Variants in RAB3GAP1 observed in about 807,000 individuals in gnomAD.
The protein encoded by RAB3GAP1 is rab3 GTPase-activating protein catalytic subunit.
Under a neutral mutation model 130.7 loss-of-function variants are expected in RAB3GAP1, and 86 were observed. That is an observed-to-expected ratio of 0.66 (90% CI 0.55 to 0.79). The LOEUF is 0.79. RAB3GAP1 is among the 30% of genes least tolerant of loss of function. The pLI is 0.00. For synonymous variants in RAB3GAP1, 367 were observed against 401.7 expected, an observed-to-expected ratio of 0.91 and a Z score of 1.03; for missense variants, 1,029 against 1,169.4, an observed-to-expected ratio of 0.88 and a Z score of 1.75.
intron 17 of RAB3GAP1, among the ~76,000 whole-genome samples, chr2:135,137,914 C>A (rs531102439): frequency 7.2e-5 from 11 of 151,766 alleles, no homozygotes; most frequent in Admixed American, 2.0e-4. Flanking sequence ...CAGCCTTGAC[C>A]TCCTGGGATC....
At position 135,052,303 on chromosome 2, in the gene RAB3GAP1, T is replaced by C; in HGVS notation, c.-5T>C. On this transcript the variant is annotated 5_prime_UTR_variant, in exon 1 of 24. Coordinates refer to ENST00000264158, the MANE Select transcript of RAB3GAP1 (RefSeq NM_012233.3). ...GCCTTAGCGCCAGGCCCGGCGCTCC[T>C]CAAGATGGCTGCCGACAGTGAGGTG... The C allele has an allele frequency of 6.2e-7, 1 of 1,613,566 alleles. No individual in the cohort carries two copies. Among genetic ancestry groups the C allele is most frequent in the Non-Finnish European group, 8.5e-7 (1 of 1,180,032 alleles).
chr2:135,125,338 C>T (rs1250474587), intron 9 of RAB3GAP1, among the ~76,000 whole-genome samples: 7 of 152,016 alleles, frequency 4.6e-5, no homozygotes, highest in African/African-American at 1.7e-4. Context: ...TGCAAGATCC[C>T]CAGTGGATGA....
Position 135,162,594 on chromosome 2 carries a change from G to T in RAB3GAP1, c.2329G>T (p.Ala777Ser). Residue 777 changes from alanine (A) to serine (S), a missense_variant, in exon 20 of 24, where the codon GCT becomes TCT. Around this residue, in one of 3 missense-constraint regions of RAB3GAP1, gnomAD observed 373 missense variants for 493.6 expected, o/e 0.76. Transcript: ENST00000264158. ...YLAIQKPADL[A>S]RHLLPCVIHA... is the part of the protein sequence containing the mutation. The stretch of plus-strand genomic sequence containing the variant: ...GGCAATCCAGAAACCTGCAGACCTT[G>T]CTCGGCACCTGTTACCTTGTGTGAT... 6.2e-7 allele frequency: 1 copy of T among 1,614,076 alleles called. No homozygotes were observed. The highest frequency in any genetic ancestry group is 8.5e-7 in the Non-Finnish European group (1 of 1,179,982).
intron 5 of RAB3GAP1, among the ~76,000 whole-genome samples, chr2:135,105,626 G>A (rs930443812): frequency 6.6e-6 from 1 of 152,206 alleles, no homozygotes; most frequent in African/African-American, 2.4e-5. Context: ...CCAAAGTGCT[G>A]AGATAGCAGC....
chr2:135,072,284 T>G (rs973128135), intron 3 of RAB3GAP1, among the ~76,000 whole-genome samples: 1 of 152,218 alleles, frequency 6.6e-6, no homozygotes, highest in Non-Finnish European at 1.5e-5. Context: ...AGCATTCAAC[T>G]GAATCCAGGG....
intron 17 of RAB3GAP1, among the ~76,000 whole-genome samples, chr2:135,139,146 A>G (rs1396692733): frequency 6.6e-6 from 1 of 152,092 alleles, no homozygotes; most frequent in East Asian, 1.9e-4. Context: ...TTAGATGTGA[A>G]TCTACAGTTA....
rs794727324 is a variant in RAB3GAP1, at chr2:135,162,605, GTTACC to G, written c.2343_2347del (p.Pro782CysfsTer22). 6.2e-6 allele frequency: 10 copies of G among 1,613,998 alleles called. No homozygotes were observed. The African/African-American group carries it at 1.3e-4, about 22-fold the overall frequency. ...AACCTGCAGACCTTGCTCGGCACCT[GTTACC>G]TTGTGTGATTCATGCAGCTGTACTC... On this transcript the variant is annotated frameshift_variant, in exon 20 of 24. Transcript: ENST00000264158. LOFTEE classifies it high-confidence loss of function.
At chr2:135,113,055 A>C in intron 5 of RAB3GAP1, 96 bp from the exon 6 acceptor site, 1 of 1,553,222 alleles carries the variant, frequency 6.4e-7, no homozygotes, top group Non-Finnish European at 8.9e-7. Flanking sequence ...CTGACTTGTT[A>C]AATTTTCTGT....
intron 11 of RAB3GAP1, among the ~76,000 whole-genome samples, chr2:135,127,203 TC>T (rs1404271304): frequency 6.6e-6 from 1 of 151,252 alleles, no homozygotes; most frequent in African/African-American, 2.4e-5. Flanking sequence ...TTTTTTTTTT[TC>T]CGGATGCTTT....
intron 6 of RAB3GAP1, among the ~76,000 whole-genome samples, chr2:135,113,895 C>T (rs1336771405): frequency 1.3e-5 from 2 of 152,182 alleles, no homozygotes; most frequent in East Asian, 3.9e-4. Flanking sequence ...GTTCACCACC[C>T]TTGGCTAATT....
At chr2:135,125,210 T>G (rs187438682) in intron 9 of RAB3GAP1, among the ~76,000 whole-genome samples, 1 of 152,340 alleles carries the variant, frequency 6.6e-6, no homozygotes, top group Non-Finnish European at 1.5e-5. Flanking sequence ...ATAAATGGAA[T>G]CATATAACAT....
At chr2:135,076,278 A>T (rs568556656) in intron 3 of RAB3GAP1, among the ~76,000 whole-genome samples, 1 of 152,328 alleles carries the variant, frequency 6.6e-6, no homozygotes, top group Admixed American at 6.5e-5. Flanking sequence ...TGATAAATAC[A>T]GCCATGTTTT....
chr2:135,152,581 T>A (rs1197618474), intron 18 of RAB3GAP1, among the ~76,000 whole-genome samples: 1 of 152,172 alleles, frequency 6.6e-6, no homozygotes, highest in Non-Finnish European at 1.5e-5. Flanking sequence ...CATGAAATAA[T>A]CTTGACCCAC....
At chr2:135,132,816 A>C in intron 13 of RAB3GAP1, 79 bp from the exon 14 acceptor site, 1 of 844,214 alleles carries the variant, frequency 1.2e-6, no homozygotes, top group Middle Eastern at 2.7e-4. Context: ...AAAGTTAAAT[A>C]ATGTCTATAT....
At chr2:135,148,617 C>T (rs1255072361) in intron 17 of RAB3GAP1, among the ~76,000 whole-genome samples, 4 of 150,254 alleles carry the variant, frequency 2.7e-5, no homozygotes, top group Non-Finnish European at 4.4e-5. Flanking sequence ...GCCTCAGCCT[C>T]CTGAGTAGCT....
intron 10 of RAB3GAP1, 83 bp downstream of exon 10, chr2:135,126,332 C>T (rs2104936331): frequency 8.9e-7 from 1 of 1,123,810 alleles, no homozygotes; most frequent in East Asian, 2.4e-5. Context: ...TTTTTATATG[C>T]ATTTTTTATT....
chr2:135,174,803 G>A (rs1311128422), downstream of RAB3GAP1, among the ~76,000 whole-genome samples: 4 of 152,162 alleles, frequency 2.6e-5, no homozygotes, highest in Non-Finnish European at 5.9e-5. Flanking sequence ...AACTATTCTG[G>A]GACTGAAGTC....
chr2:135,093,680 T>G lies in RAB3GAP1; in HGVS notation c.349T>G (p.Cys117Gly). The change falls in exon 5 of 24, where the codon TGC (cysteine) becomes GGC (glycine). Residue 117 changes from cysteine to glycine, a missense_variant. This residue lies in a region of RAB3GAP1 where 510 missense variants were observed against 532.1 expected (regional missense o/e 0.96). Coordinates refer to ENST00000264158, the MANE Select transcript of RAB3GAP1 (RefSeq NM_012233.3). Reference sequence around the variant, plus strand: ...TAATGACTTTCCTCCAAGAGCACATTGCCTGGTAAGATGGTAGGTATATCT... The same window carrying G: ...TAATGACTTTCCTCCAAGAGCACATGGCCTGGTAAGATGGTAGGTATATCT... The part of the protein sequence containing the change: ...MNNDFPPRAH[C>G]LVRWYGLREF... The G allele has an allele frequency of 6.2e-7, 1 of 1,611,758 alleles. No individual in the cohort carries two copies. The highest frequency in any genetic ancestry group is 8.5e-7 in the Non-Finnish European group (1 of 1,177,816).
chr2:135,127,176 A>C (rs1186270993), intron 11 of RAB3GAP1, among the ~76,000 whole-genome samples: 1 of 149,124 alleles, frequency 6.7e-6, no homozygotes, highest in Admixed American at 6.7e-5. Flanking sequence ...CGCGGCCTTA[A>C]GATGCTTTTT....
Sources: allele counts gnomAD v4.1 joint callset (sites outside exome capture counted in the v4.1 genomes callset), GRCh38; gene constraint gnomAD v4.1.1; regional missense constraint gnomAD v4.1.1; transcripts MANE v1.5; gene names NCBI Gene and HGNC (gene_info 2026-07-23, HGNC 2026-07-21).